The following KALRN variants were observed in gnomAD, a reference collection of about 807,000 sequenced individuals.
KALRN encodes kalirin RhoGEF kinase, also known as kalirin.
A neutral mutation model predicts 353.7 loss-of-function variants in KALRN; 70 were observed. The ratio of observed to expected loss-of-function variants is 0.20; its 90% CI spans 0.16 to 0.24. The LOEUF (loss-of-function observed/expected upper bound fraction) is 0.24, where lower values mean the gene tolerates loss of function less well. Ranked by LOEUF, KALRN falls within the 10% of genes least tolerant of loss-of-function variation. The pLI, the probability that KALRN is intolerant of heterozygous loss-of-function variation, is 1.00. For synonymous variants in KALRN, 1,391 were observed against 1,434.8 expected (o/e 0.97, Z 0.69); for missense variants, 2,791 against 3,756.7 (o/e 0.74, Z 6.72).
intron 1 of KALRN, among the ~76,000 whole-genome samples, chr3:124,122,660 A>G (rs765238193): frequency 1.3e-5 from 2 of 152,162 alleles, no homozygotes; most frequent in Non-Finnish European, 2.9e-5. Flanking sequence ...GGCACCACAA[A>G]CCATGCCCAT....
At chr3:124,674,215 TATC>T in intron 48 of KALRN, 146 bp from the exon 49 acceptor site, 2 of 667,842 alleles carry the variant, frequency 3.0e-6, no homozygotes. Context: ...TGTTTATTAA[TATC>T]ATGTCATTAC....
intron 51 of KALRN, among the ~76,000 whole-genome samples, chr3:124,691,639 G>A: frequency 6.6e-6 from 1 of 152,062 alleles, no homozygotes; most frequent in East Asian, 1.9e-4. Flanking sequence ...TTTGAATGGG[G>A]ACAAAGCCAC....
intron 1 of KALRN, among the ~76,000 whole-genome samples, chr3:124,211,185 A>C: frequency 6.6e-6 from 1 of 152,194 alleles, no homozygotes; most frequent in East Asian, 1.9e-4. Context: ...CTGGACATCT[A>C]CCAGTCACAA....
intron 3 of KALRN, among the ~76,000 whole-genome samples, chr3:124,244,262 A>G (rs757394696): frequency 3.0e-4 from 46 of 151,724 alleles, no homozygotes; most frequent in Admixed American, 7.2e-4. Context: ...TTTGAGACGG[A>G]GTTTCACTCT....
At chr3:124,474,531 C>A in intron 25 of KALRN, 132 bp from the exon 26 acceptor site, 1 of 678,140 alleles carries the variant, frequency 1.5e-6, no homozygotes, top group South Asian at 1.7e-5. Flanking sequence ...TGCACCTCAC[C>A]ATCTATCACT....
chr3:124,120,845 A>C (rs2063936889), intron 1 of KALRN, among the ~76,000 whole-genome samples: 1 of 150,712 alleles, frequency 6.6e-6, no homozygotes. Flanking sequence ...TAATCCCAGC[A>C]CTTTGGGAGG....
chr3:124,197,678 C>T (rs2075574532), intron 1 of KALRN, among the ~76,000 whole-genome samples: 1 of 152,168 alleles, frequency 6.6e-6, no homozygotes, highest in Non-Finnish European at 1.5e-5. Context: ...TGCTCCAGCC[C>T]TTTAGCAGGG....
At chr3:124,178,032 A>G (rs1426705724) in intron 1 of KALRN, among the ~76,000 whole-genome samples, 2 of 152,224 alleles carry the variant, frequency 1.3e-5, no homozygotes, top group African/African-American at 2.4e-5. Context: ...ACCTGGATTT[A>G]TAGGTCCAAG....
intron 3 of KALRN, among the ~76,000 whole-genome samples, chr3:124,236,962 C>T (rs886376432): frequency 2.0e-5 from 3 of 152,176 alleles, no homozygotes; most frequent in Non-Finnish European, 4.4e-5. Context: ...TGCTGCCCTG[C>T]CTCCTGAGGG....
At chr3:124,305,129 A>T (rs2077580172) in intron 6 of KALRN, among the ~76,000 whole-genome samples, 1 of 152,234 alleles carries the variant, frequency 6.6e-6, no homozygotes. Context: ...CCAGAGCTGC[A>T]GCTCAGAGAT....
At chr3:124,546,784 G>A (rs1299715165) in intron 33 of KALRN, among the ~76,000 whole-genome samples, 1 of 152,176 alleles carries the variant, frequency 6.6e-6, no homozygotes, top group Admixed American at 6.5e-5. Context: ...AGAAGCAGGT[G>A]GAGGAGGCTG....
At chr3:124,182,683 C>A (rs769719050) in intron 1 of KALRN, among the ~76,000 whole-genome samples, 1 of 152,162 alleles carries the variant, frequency 6.6e-6, no homozygotes, top group Non-Finnish European at 1.5e-5. Flanking sequence ...TTGCCACAGG[C>A]AGGGAGTATT....
chr3:124,311,217 T>G (rs910191329), intron 6 of KALRN, among the ~76,000 whole-genome samples: 5 of 151,790 alleles, frequency 3.3e-5, no homozygotes, highest in African/African-American at 1.2e-4. Flanking sequence ...CGCAGCACTT[T>G]GGGAGGCCGA....
intron 1 of KALRN, among the ~76,000 whole-genome samples, chr3:124,210,557 C>T (rs1193085492): frequency 6.6e-6 from 1 of 152,138 alleles, no homozygotes; most frequent in African/African-American, 2.4e-5. Flanking sequence ...GGGGAAGTGA[C>T]AACCTCAGCC....
At chr3:124,222,401 T>C (rs187330343) in intron 1 of KALRN, among the ~76,000 whole-genome samples, 134 of 152,256 alleles carry the variant, frequency 8.8e-4, no homozygotes, top group African/African-American at 3.0e-3. Flanking sequence ...CTCTGGGCAG[T>C]GGAGAGGGGT....
rs75350694 is a variant in KALRN at position 124,651,516 on chromosome 3, C to G, written c.5795+578C>G. Among the ~76,000 whole-genome samples, 1,172 of 152,228 alleles carry G rather than the reference C, an allele frequency of 7.7e-3. 14 individuals are homozygous for G. The highest frequency in any genetic ancestry group is 0.025 in the African/African-American group (1,037 of 41,520). On this transcript the variant is annotated intron_variant, in intron 38 of 59. Coordinates refer to ENST00000682506, the MANE Select transcript of KALRN (RefSeq NM_001388419.1). ...TAATGCAGAACAATCCCATGTTATG[C>G]AAGAGTTACCTATGTTGATATGAAG...
chr3:124,645,827 G>T (rs964054048), intron 37 of KALRN, among the ~76,000 whole-genome samples: 3 of 152,054 alleles, frequency 2.0e-5, no homozygotes, highest in Non-Finnish European at 2.9e-5. Context: ...CCAGAAGAGG[G>T]ATTATTGGGT....
At chr3:124,637,870 C>T (rs1578543797) in intron 37 of KALRN, among the ~76,000 whole-genome samples, 2 of 152,216 alleles carry the variant, frequency 1.3e-5, no homozygotes, top group South Asian at 4.1e-4. Context: ...GGCAGCCTGT[C>T]TAGCCTGTGA....
At position 124,696,115 on chromosome 3, in the gene KALRN, A is replaced by T; in HGVS notation, c.7578-19A>T. ...GTCTCATTACTGGAGTCTGAAGAGC[A>T]TCCTTTTGGTGTCCCTAGTGATTCT... On this transcript the variant is annotated intron_variant, in intron 53 of 59. Coordinates refer to ENST00000682506, the MANE Select transcript of KALRN (RefSeq NM_001388419.1). 1.2e-6 allele frequency: 2 copies of T among 1,613,082 alleles called. No homozygotes were observed. Among genetic ancestry groups the T allele is most frequent in the Non-Finnish European group, 1.7e-6 (2 of 1,179,358 alleles).
Sources: allele counts gnomAD v4.1 joint callset (sites outside exome capture counted in the v4.1 genomes callset), GRCh38; gene constraint gnomAD v4.1.1; transcripts MANE v1.5; gene names NCBI Gene and HGNC (gene_info 2026-07-23, HGNC 2026-07-21).